NOL4: variants seen among roughly 807,000 people sequenced by gnomAD.
NOL4 encodes cancer/testis antigen 125.
A neutral mutation model predicts 75.9 loss-of-function variants in NOL4; 17 were observed. The ratio of observed to expected loss-of-function variants is 0.22; its 90% confidence interval spans 0.15 to 0.34. The LOEUF (loss-of-function observed/expected upper bound fraction) is 0.34. Ranked by LOEUF, NOL4 falls within the 10% of genes least tolerant of loss-of-function variation. NOL4 has a pLI of 1.00. For missense variants in NOL4, 614 were observed against 793.5 expected, an observed-to-expected ratio of 0.77 and a Z score of 2.72; for synonymous variants, 292 against 289.9, an observed-to-expected ratio of 1.01 and a Z score of -0.07.
At chr18:33,889,220 C>A (rs995373851) in intron 9 of NOL4, among the ~76,000 whole-genome samples, 2 of 152,116 alleles carry the variant, frequency 1.3e-5, no homozygotes, top group Non-Finnish European at 2.9e-5. Flanking sequence ...TAGAAACTAT[C>A]ATCAGAGAAT....
chr18:33,883,129 C>A (rs749264410), intron 10 of NOL4, 115 bp downstream of exon 10: 6 of 685,632 alleles, frequency 8.8e-6, no homozygotes, highest in Non-Finnish European at 1.2e-5. Flanking sequence ...GTGGGTGCAG[C>A]GCACCAGCAT....
chr18:34,071,123 T>C (rs2077495854), intron 5 of NOL4, among the ~76,000 whole-genome samples: 1 of 152,138 alleles, frequency 6.6e-6, no homozygotes, highest in African/African-American at 2.4e-5. Flanking sequence ...AAAGAAATGA[T>C]AGATGTTTTA....
At chr18:34,194,422 G>GGAAGGAAGGAA (rs1389171451) in intron 1 of NOL4, among the ~76,000 whole-genome samples, 34 of 85,096 alleles carry the variant, frequency 4.0e-4, no homozygotes, top group African/African-American at 1.9e-3. Flanking sequence ...GAAGGAGGGA[G>GGAAGGAAGGAA]GGAGGGAAGG....
intron 6 of NOL4, among the ~76,000 whole-genome samples, chr18:33,983,423 G>A (rs537767943): frequency 1.4e-4 from 21 of 148,476 alleles, no homozygotes; most frequent in African/African-American, 5.2e-4. Flanking sequence ...GAGTTGGTAT[G>A]TGCATGTGGA....
chr18:33,878,772 G>C (rs1200512269), intron 10 of NOL4, among the ~76,000 whole-genome samples: 1 of 152,038 alleles, frequency 6.6e-6, no homozygotes, highest in Admixed American at 6.6e-5. Context: ...TACATCGGAA[G>C]TTCCTACTGG....
In NOL4 at chr18:34,026,229, A is replaced by G. The variant is rs141302349; in HGVS notation, c.773-6628T>C. Among the ~76,000 whole-genome samples, 86 of 152,316 alleles carry G rather than the reference A, an allele frequency of 5.6e-4. 1 individual carries two copies. The East Asian group carries it at 0.016, about 29-fold the overall frequency. Reference sequence around the variant, plus strand: ...GGTTTAGACAATGAGAGACACTGGAAGAGATGGATAATTGGACAAAGAGAG... The same window carrying G: ...GGTTTAGACAATGAGAGACACTGGAGGAGATGGATAATTGGACAAAGAGAG... On this transcript the variant is annotated intron_variant, in intron 5 of 10. Transcript: ENST00000261592.
intron 8 of NOL4, among the ~76,000 whole-genome samples, chr18:33,953,782 T>C (rs1053530566): frequency 3.3e-5 from 5 of 152,156 alleles, no homozygotes; most frequent in Non-Finnish European, 7.4e-5. Flanking sequence ...CAAAGATTTG[T>C]ATATTTTTGG....
At chr18:34,058,344 T>C (rs113693966) in intron 5 of NOL4, among the ~76,000 whole-genome samples, 313 of 152,152 alleles carry the variant, frequency 2.1e-3, no homozygotes, top group East Asian at 3.1e-3. Context: ...CCATGTTAGC[T>C]AGGATGGTCT....
chr18:33,960,141 G>C (rs1211055799), intron 6 of NOL4, among the ~76,000 whole-genome samples: 1 of 151,898 alleles, frequency 6.6e-6, no homozygotes, highest in Non-Finnish European at 1.5e-5. Context: ...TAAATCTTGA[G>C]TAAGAAGAAT....
intron 10 of NOL4, among the ~76,000 whole-genome samples, chr18:33,869,983 T>C (rs2063617692): frequency 6.6e-6 from 1 of 152,138 alleles, no homozygotes; most frequent in Non-Finnish European, 1.5e-5. Flanking sequence ...GCCTGTCTCC[T>C]CATTTCTCAC....
In NOL4 at chr18:33,881,481, A is replaced by T. The variant is rs184350059; in HGVS notation, c.1723+1763T>A. 4.5e-3 allele frequency among the ~76,000 whole-genome samples: 679 copies of T among 152,032 alleles called. 4 individuals carry two copies. Among genetic ancestry groups the T allele is most frequent in the African/African-American group, 0.015 (603 of 41,466 alleles). ...GAATGCTTCCAGTTTTTGCCCATTC[A>T]GTATGATATTGGCTGTGGATGTGAA... On this transcript the variant is annotated intron_variant, in intron 10 of 10. Transcript: ENST00000261592.
chr18:34,074,065 C>G (rs932305823), intron 5 of NOL4, among the ~76,000 whole-genome samples: 1 of 151,412 alleles, frequency 6.6e-6, no homozygotes, highest in Non-Finnish European at 1.5e-5. Flanking sequence ...TAAGAGGAAA[C>G]AGCTAAAATA....
chr18:33,946,476 T>C (rs1361063567), intron 8 of NOL4, among the ~76,000 whole-genome samples: 1 of 151,802 alleles, frequency 6.6e-6, no homozygotes, highest in Non-Finnish European at 1.5e-5. Context: ...TATGCAGCGA[T>C]GTATGTGGAA....
intron 9 of NOL4, among the ~76,000 whole-genome samples, chr18:33,938,108 A>T (rs2068188674): frequency 6.6e-6 from 1 of 152,084 alleles, no homozygotes; most frequent in Non-Finnish European, 1.5e-5. Context: ...GTCAGGCATT[A>T]GTTTTATCTA....
At chr18:33,855,341 G>T (rs2062791479) in intron 10 of NOL4, among the ~76,000 whole-genome samples, 1 of 152,004 alleles carries the variant, frequency 6.6e-6, no homozygotes, top group African/African-American at 2.4e-5. Context: ...AATATGATCT[G>T]ATTAGAATGC....
intron 8 of NOL4, among the ~76,000 whole-genome samples, chr18:33,953,248 C>T (rs192197975): frequency 1.0e-3 from 78 of 75,296 alleles, no homozygotes; most frequent in Non-Finnish European, 2.0e-3. Flanking sequence ...TATTTTTAAA[C>T]TGCAAATACA....
chr18:33,957,706 TAGAGAGAAAA>T (rs2069757271), intron 7 of NOL4, among the ~76,000 whole-genome samples, 189 bp from the exon 8 acceptor site: 1 of 151,702 alleles, frequency 6.6e-6, no homozygotes, highest in Admixed American at 6.6e-5. Flanking sequence ...GATTAAAAAA[TAGAGAGAAAA>T]AGAGAGAAAG....
At chr18:33,981,122 C>T (rs2071921453) in intron 6 of NOL4, among the ~76,000 whole-genome samples, 1 of 151,748 alleles carries the variant, frequency 6.6e-6, no homozygotes, top group African/African-American at 2.4e-5. Flanking sequence ...AATCTCTGAG[C>T]ATGAGGATAT....
At chr18:33,884,502 C>T (rs1485193120) in intron 9 of NOL4, among the ~76,000 whole-genome samples, 1 of 152,008 alleles carries the variant, frequency 6.6e-6, no homozygotes, top group African/African-American at 2.4e-5. Context: ...TTGCAATAAA[C>T]TGTATATATT....
Sources: allele counts gnomAD v4.1 joint callset (sites outside exome capture counted in the v4.1 genomes callset), GRCh38; gene constraint gnomAD v4.1.1; transcripts MANE v1.5; gene names NCBI Gene and HGNC (gene_info 2026-07-23, HGNC 2026-07-21).